Variants in KLK12 observed in about 807,000 individuals in gnomAD.
KLK12 encodes the protein kallikrein related peptidase 12.
Under a neutral mutation model 20.0 loss-of-function variants are expected in KLK12, and 23 were observed. The ratio of observed to expected loss-of-function variants is 1.15; its 90% CI spans 0.83 to 1.63. The LOEUF (loss-of-function observed/expected upper bound fraction) is 1.63. Among genes scored for constraint, KLK12 ranks in the 40% most tolerant of loss-of-function variants. The pLI is 0.00. For missense variants in KLK12, 351 were observed against 338.6 expected (o/e 1.04, Z -0.29); for synonymous variants, 147 against 141.9 (o/e 1.04, Z -0.25).
intron 2 of KLK12, 152 bp downstream of exon 2, chr19:51,034,433 C>T (rs2091591983): frequency 1.3e-6 from 2 of 1,483,670 alleles, no homozygotes; most frequent in Admixed American, 4.6e-5. Flanking sequence ...ACCCTGAGAG[C>T]TGCAGGTAAA....
Position 51,031,595 on chromosome 19 carries a change from C to CATATATATATATATATAT in KLK12, c.457+280_457+281insATATATATATATATATAT, listed in dbSNP as rs1555789322. Among the ~76,000 whole-genome samples, 785 of 120,378 alleles carry CATATATATATATATATAT rather than the reference C, an allele frequency of 6.5e-3. 31 individuals are homozygous for CATATATATATATATATAT. The highest frequency in any genetic ancestry group is 0.019 in the African/African-American group (652 of 34,242). 79.0% of individuals were successfully genotyped at this position (120,378 alleles called of 152,430 possible). On this transcript the variant is annotated intron_variant, in intron 4 of 5. Transcript: ENST00000684732. ...CCACAATGCCCATATCCTATACATA[C>CATATATATATATATATAT]ATATATATATATATATGCCTTTTGC...
At chr19:51,033,106 C>T (rs2091576132) in intron 3 of KLK12, among the ~76,000 whole-genome samples, 1 of 151,030 alleles carries the variant, frequency 6.6e-6, no homozygotes, top group Non-Finnish European at 1.5e-5. Flanking sequence ...GTCTTAGCTC[C>T]TTGGGAGGCT....
chr19:51,034,368 G>A (rs1207441547), intron 2 of KLK12: 1 of 1,323,936 alleles, frequency 7.6e-7, no homozygotes, highest in Non-Finnish European at 1.0e-6. Flanking sequence ...CAGAGATTCA[G>A]AGAGGGACAG....
At position 51,033,840 on chromosome 19, in the gene KLK12, G is replaced by T; in HGVS notation, c.197+140C>A. The T allele has an allele frequency of 3.3e-6, 3 of 908,604 alleles. 1 individual carries two copies. The South Asian group carries it at 4.3e-5, about 13-fold the overall frequency. 56.3% of individuals were successfully genotyped at this position (908,604 alleles called of 1,614,324 possible). On this transcript the variant is annotated intron_variant, in intron 3 of 5. Transcript: ENST00000684732. Reference sequence around the variant, plus strand: ...CCACCCCAGGCCCACTGCTAAGGAAGTTCCACTCCTGGTCTAACCTCAGAC... The same window carrying T: ...CCACCCCAGGCCCACTGCTAAGGAATTTCCACTCCTGGTCTAACCTCAGAC...
chr19:51,031,140 T>C (rs2091553386), intron 4 of KLK12, among the ~76,000 whole-genome samples: 1 of 152,208 alleles, frequency 6.6e-6, no homozygotes, highest in Non-Finnish European at 1.5e-5. Flanking sequence ...CATTTGACTT[T>C]GAGTGGCATA....
chr19:51,029,404 G>A lies in KLK12; in HGVS notation c.645C>T (p.Ser215=), dbSNP rs1282050374. 1.9e-6 allele frequency: 3 copies of A among 1,613,724 alleles called. No individual in the cohort carries two copies. The highest frequency in any genetic ancestry group is 3.3e-5 in the Admixed American group (2 of 59,980). The change falls in exon 6 of 6, where the codon TCC becomes TCT. Residue 215 remains serine, a synonymous_variant. Coordinates refer to ENST00000684732, the MANE Select transcript of KLK12 (RefSeq NM_001370125.1). ...VCGGVLQGLV[S]WGSVGPCGQD... is the part of the protein sequence containing the mutation. Reference sequence around the variant, plus strand: ...GTCCACAGGGCCCCACAGACCCCCAGGACACCAGACCTTGAAGGACTCCCC... The same window carrying A: ...GTCCACAGGGCCCCACAGACCCCCAAGACACCAGACCTTGAAGGACTCCCC...
chr19:51,029,874 G>A (rs2091537109), intron 5 of KLK12, among the ~76,000 whole-genome samples: 1 of 151,606 alleles, frequency 6.6e-6, no homozygotes, highest in Non-Finnish European at 1.5e-5. Flanking sequence ...CCCAGGGGAG[G>A]AGGGTGGGAC....
chr19:51,029,700 G>T (rs1419643654), intron 5 of KLK12, among the ~76,000 whole-genome samples: 1 of 152,248 alleles, frequency 6.6e-6, no homozygotes, highest in Non-Finnish European at 1.5e-5. Context: ...GTTCTCTCAA[G>T]GACAATGGCT....
intron 5 of KLK12, among the ~76,000 whole-genome samples, 183 bp from the exon 6 acceptor site, chr19:51,029,640 T>C (rs2122596102): frequency 6.6e-6 from 1 of 152,350 alleles, no homozygotes; most frequent in East Asian, 1.9e-4. Context: ...AACCACTGTC[T>C]CTAGGGGCCA....
chr19:51,029,537 T>C, intron 5 of KLK12, 80 bp from the exon 6 acceptor site: 1 of 1,219,208 alleles, frequency 8.2e-7, no homozygotes, highest in Non-Finnish European at 1.2e-6. Context: ...AACCCAGTCC[T>C]GGGCCTTGGG....
At chr19:51,029,480 T>G in intron 5 of KLK12, 23 bp from the exon 6 acceptor site, 1 of 1,580,980 alleles carries the variant, frequency 6.3e-7, no homozygotes, top group Non-Finnish European at 8.7e-7. Flanking sequence ...AGAAGTACTG[T>G]CTGAACAAGG....
Position 51,029,300 on chromosome 19 carries a change from G to C in KLK12, c.*2C>G. 6.2e-7 allele frequency: 1 copy of C among 1,614,056 alleles called. No homozygotes were observed. Among genetic ancestry groups the C allele is most frequent in the Non-Finnish European group, 8.5e-7 (1 of 1,180,012 alleles). ...GGTGGGGGTGGAGGTGGAGGAAACA[G>C]GTCAGTTGTTCCTCATGATCATCCG... On this transcript the variant is annotated 3_prime_UTR_variant, in exon 6 of 6. Transcript: ENST00000684732.
chr19:51,033,024 G>A (rs1280873750), intron 3 of KLK12, among the ~76,000 whole-genome samples: 1 of 151,726 alleles, frequency 6.6e-6, no homozygotes, highest in Non-Finnish European at 1.5e-5. Flanking sequence ...GACCAGCCTG[G>A]GTAACATAGC....
chr19:51,029,556 C>T, intron 5 of KLK12, 99 bp from the exon 6 acceptor site: 1 of 931,254 alleles, frequency 1.1e-6, no homozygotes, highest in Non-Finnish European at 1.7e-6. Flanking sequence ...GGGAGGGCTC[C>T]AAGTCTGGTC....
chr19:51,032,859 T>A (rs1478089911), intron 3 of KLK12, among the ~76,000 whole-genome samples: 1 of 152,134 alleles, frequency 6.6e-6, no homozygotes, highest in Non-Finnish European at 1.5e-5. Context: ...CTCTGCATCC[T>A]GCTGCTGGCC....
At chr19:51,029,584 AAT>A (rs1203379705) in intron 5 of KLK12, 127 bp from the exon 6 acceptor site, 17 of 763,902 alleles carry the variant, frequency 2.2e-5, no homozygotes, top group Non-Finnish European at 3.6e-5. Flanking sequence ...AAAAGAGTAT[AAT>A]CACTTTCCCG....
At chr19:51,032,267 TCA>T in intron 3 of KLK12, 132 bp from the exon 4 acceptor site, 2 of 1,033,322 alleles carry the variant, frequency 1.9e-6, no homozygotes, top group Non-Finnish European at 2.9e-6. Context: ...CCCGCAACTC[TCA>T]TTCTCCGAGT....
intron 5 of KLK12, 109 bp from the exon 6 acceptor site, chr19:51,029,566 C>A: frequency 1.2e-6 from 1 of 861,516 alleles, no homozygotes; most frequent in South Asian, 1.4e-5. Flanking sequence ...CAAGTCTGGT[C>A]ATTAGACAAA....
chr19:51,033,795 A>T (rs2091583884), intron 3 of KLK12, 185 bp downstream of exon 3: 1 of 671,052 alleles, frequency 1.5e-6, no homozygotes, highest in South Asian at 1.7e-5. Context: ...TCCACCCAAC[A>T]TACCTCACCC....
Sources: gnomAD v4.1 joint callset for allele counts (sites outside exome capture counted in the v4.1 genomes callset) on GRCh38, gnomAD v4.1.1 for gene constraint, MANE v1.5 for transcripts, NCBI Gene and HGNC (gene_info 2026-07-23, HGNC 2026-07-21) for gene names.